CDH8: variants seen among roughly 807,000 people sequenced by gnomAD.
CDH8 encodes cadherin 8.
A neutral mutation model predicts 68.1 loss-of-function variants in CDH8; 17 were observed. The ratio of observed to expected loss-of-function variants is 0.25; its 90% confidence interval spans 0.17 to 0.37. The LOEUF (loss-of-function observed/expected upper bound fraction) is 0.37, where lower values mean the gene tolerates loss of function less well. Ranked by LOEUF, CDH8 falls within the 10% of genes least tolerant of loss-of-function variation. CDH8 has a pLI of 1.00. For missense variants in CDH8, 763 were observed against 999.3 expected, an observed-to-expected ratio of 0.76 and a Z score of 3.19; for synonymous variants, 372 against 365.1, an observed-to-expected ratio of 1.02 and a Z score of -0.21.
intron 2 of CDH8, among the ~76,000 whole-genome samples, chr16:62,000,582 A>G (rs754372292): frequency 6.6e-6 from 1 of 152,238 alleles, no homozygotes; most frequent in African/African-American, 2.4e-5. Context: ...AAGTTCTAAC[A>G]GAAATGTTAC....
chr16:61,835,115 G>C (rs963480003), intron 4 of CDH8, among the ~76,000 whole-genome samples: 1 of 151,838 alleles, frequency 6.6e-6, no homozygotes, highest in Non-Finnish European at 1.5e-5. Flanking sequence ...TGTTTGACAG[G>C]CATGGCTCTG....
intron 8 of CDH8, among the ~76,000 whole-genome samples, chr16:61,762,450 C>T (rs1250297421): frequency 6.6e-6 from 1 of 152,144 alleles, no homozygotes; most frequent in Non-Finnish European, 1.5e-5. Flanking sequence ...TATTACCTCC[C>T]TAAGATTGGA....
intron 10 of CDH8, among the ~76,000 whole-genome samples, chr16:61,662,723 T>C (rs762082770): frequency 8.6e-5 from 13 of 151,914 alleles, no homozygotes; most frequent in Admixed American, 2.0e-4. Context: ...GTATTATAAG[T>C]AATCTAGAGG....
chr16:61,940,398 C>CATTTTTTTTTTTTTTTTTTTTT (rs1964695558), intron 2 of CDH8: 1 of 116,342 alleles, frequency 8.6e-6, no homozygotes, highest in Admixed American at 9.3e-5. Flanking sequence ...ACTACTTGAT[C>CATTTTTTTTTTTTTTTTTTTTT]TTTTTTTTTT....
chr16:61,895,198 C>T (rs116649854), intron 3 of CDH8, among the ~76,000 whole-genome samples: 54 of 152,076 alleles, frequency 3.6e-4, no homozygotes, highest in African/African-American at 1.2e-3. Flanking sequence ...TCTTCCACCT[C>T]GGAAAAACAT....
At chr16:61,884,045 G>T (rs1597040446) in intron 3 of CDH8, among the ~76,000 whole-genome samples, 1 of 152,144 alleles carries the variant, frequency 6.6e-6, no homozygotes, top group Admixed American at 6.5e-5. Flanking sequence ...AGACACCTCT[G>T]AAATATCCCA....
intron 3 of CDH8, among the ~76,000 whole-genome samples, chr16:61,869,327 G>A (rs1054288752): frequency 3.9e-5 from 6 of 152,146 alleles, no homozygotes; most frequent in African/African-American, 1.2e-4. Flanking sequence ...TAACCTAGGC[G>A]TGTTGCAGGA....
At chr16:61,846,634 G>C (rs1962811703) in intron 4 of CDH8, among the ~76,000 whole-genome samples, 1 of 151,998 alleles carries the variant, frequency 6.6e-6, no homozygotes, top group Admixed American at 6.6e-5. Context: ...TACTACCTGG[G>C]TACTTCTCAG....
At chr16:61,847,908 AAC>A (rs142042812) in intron 4 of CDH8, among the ~76,000 whole-genome samples, 15 of 150,420 alleles carry the variant, frequency 1.0e-4, no homozygotes, top group South Asian at 2.1e-4. Context: ...CACACAGACA[AAC>A]ACACACACAC....
chr16:61,677,286 T>C (rs1963931770), intron 10 of CDH8, among the ~76,000 whole-genome samples: 1 of 151,038 alleles, frequency 6.6e-6, no homozygotes, highest in Admixed American at 6.7e-5. Context: ...AACCTGTCAC[T>C]GAAGGCCTAT....
intron 2 of CDH8, among the ~76,000 whole-genome samples, chr16:61,978,382 A>G (rs2150581072): frequency 6.6e-6 from 1 of 152,272 alleles, no homozygotes; most frequent in South Asian, 2.1e-4. Context: ...TGTTGCCACC[A>G]TTGCTGTTGC....
intron 8 of CDH8, among the ~76,000 whole-genome samples, chr16:61,769,110 A>G (rs1353987088): frequency 6.6e-6 from 1 of 151,830 alleles, no homozygotes; most frequent in Non-Finnish European, 1.5e-5. Context: ...AGTGCCATAT[A>G]GTCTCTGGAA....
Position 61,960,402 on chromosome 16 carries a change from T to TATACGTGTGTGTGTGTATACAC in CDH8, c.253-58930_253-58929insGTGTATACACACACACACGTAT, listed in dbSNP as rs1372176958. Among the ~76,000 whole-genome samples, 339 of 144,286 alleles carry TATACGTGTGTGTGTGTATACAC rather than the reference T, an allele frequency of 2.3e-3. 53 individuals are homozygous for TATACGTGTGTGTGTGTATACAC. The highest frequency in any genetic ancestry group is 3.6e-3 in the Non-Finnish European group (239 of 66,944). The allele number at this position is 144,286 out of a possible 152,430, so 94.7% of individuals were successfully genotyped here. A position where few individuals can be genotyped will look rare whatever the true frequency, so the allele number is the denominator to read the frequency against. ...ATGTGTGTGTGTATACACATACATATATACATATATGTGTGTGTGTATACA... is the reference window on the plus strand; with the variant it reads ...ATGTGTGTGTGTATACACATACATATATACGTGTGTGTGTGTATACACATACATATATGTGTGTGTGTATACA... On this transcript the variant is annotated intron_variant, in intron 2 of 11. Transcript: ENST00000577390.
intron 3 of CDH8, among the ~76,000 whole-genome samples, chr16:61,862,193 A>T (rs918931569): frequency 6.6e-6 from 1 of 151,674 alleles, no homozygotes; most frequent in Non-Finnish European, 1.5e-5. Context: ...TCATTCTTCC[A>T]TCCAGTCTAC....
intron 2 of CDH8, among the ~76,000 whole-genome samples, chr16:61,936,421 A>G (rs910551175): frequency 8.5e-5 from 13 of 152,320 alleles, no homozygotes; most frequent in Admixed American, 8.5e-4. Context: ...TTTCATTCTC[A>G]CAACTCGGGG....
intron 3 of CDH8, among the ~76,000 whole-genome samples, chr16:61,884,617 G>T (rs964009403): frequency 1.3e-5 from 2 of 151,850 alleles, no homozygotes; most frequent in African/African-American, 4.8e-5. Context: ...CAGGTGATCC[G>T]CCCGCCTCAG....
At chr16:61,724,696 C>A (rs1329432437) in intron 9 of CDH8, among the ~76,000 whole-genome samples, 4 of 150,768 alleles carry the variant, frequency 2.7e-5, no homozygotes, top group African/African-American at 9.7e-5. Flanking sequence ...AATTTAATGG[C>A]TCATTCGGTT....
At position 61,718,166 on chromosome 16, in the gene CDH8, A is replaced by G. The variant is rs185795747; in HGVS notation, c.1537-4208T>C. 1.1e-3 allele frequency among the ~76,000 whole-genome samples: 174 copies of G among 151,456 alleles called. 1 individual carries two copies. The highest frequency in any genetic ancestry group is 4.1e-3 in the African/African-American group (168 of 41,440). On this transcript the variant is annotated intron_variant, in intron 9 of 11. Coordinates refer to ENST00000577390, the MANE Select transcript of CDH8 (RefSeq NM_001796.5). The stretch of plus-strand genomic sequence containing the variant: ...GTATTTCTGTTAAATTGGGGCTTAG[A>G]CCTTCAATATTTTGGAGTGTGTAAG...
chr16:61,919,761 A>G (rs970172914), intron 2 of CDH8, among the ~76,000 whole-genome samples: 1 of 152,116 alleles, frequency 6.6e-6, no homozygotes, highest in African/African-American at 2.4e-5. Flanking sequence ...ATCCAGGAGA[A>G]CTTCCCCAAT....
Sources: gnomAD v4.1 joint callset for allele counts (sites outside exome capture counted in the v4.1 genomes callset) on GRCh38, gnomAD v4.1.1 for gene constraint, MANE v1.5 for transcripts, NCBI Gene and HGNC (gene_info 2026-07-23, HGNC 2026-07-21) for gene names.